The following RICTOR variants were observed in gnomAD, a reference collection of about 807,000 sequenced individuals.
The protein encoded by RICTOR is RPTOR independent companion of MTOR complex 2.
A neutral mutation model predicts 214.9 loss-of-function variants in RICTOR; 49 were observed. The ratio of observed to expected loss-of-function variants is 0.23; its 90% CI spans 0.18 to 0.29. RICTOR has a LOEUF of 0.29. Among genes scored for constraint, RICTOR ranks in the 10% least tolerant of loss-of-function variants. The probability of loss-of-function intolerance (pLI) is 1.00; values close to 1 mark genes in which losing one functional copy is unlikely to be tolerated. For synonymous variants in RICTOR, 717 were observed against 711.3 expected (o/e 1.01, Z -0.13); for missense variants, 1,625 against 2,047.0 (o/e 0.79, Z 3.98).
intron 2 of RICTOR, among the ~76,000 whole-genome samples, chr5:39,058,586 T>A (rs551743677): frequency 6.6e-6 from 1 of 152,148 alleles, no homozygotes. Context: ...TATATATGTA[T>A]GCTCTTTCAA....
intron 31 of RICTOR, chr5:38,949,468 T>C (rs1386793950): frequency 4.0e-6 from 6 of 1,504,974 alleles, no homozygotes; most frequent in African/African-American, 1.4e-5. Flanking sequence ...GCTTGTGACT[T>C]GTATGTCCTT....
At chr5:38,996,020 A>G (rs981571907) in intron 6 of RICTOR, among the ~76,000 whole-genome samples, 2 of 152,222 alleles carry the variant, frequency 1.3e-5, no homozygotes, top group African/African-American at 4.8e-5. Context: ...TAGCTAACAT[A>G]GAAATTGAAC....
At chr5:38,993,457 G>C (rs1038461004) in intron 6 of RICTOR, among the ~76,000 whole-genome samples, 3 of 151,918 alleles carry the variant, frequency 2.0e-5, no homozygotes, top group Admixed American at 6.6e-5. Context: ...TGCATTGGAA[G>C]GGGGAGAGAG....
rs192904270 is a variant in RICTOR, at chr5:38,968,105, T to C, written c.973-75A>G. 1,762 of 832,972 alleles carry C rather than the reference T, an allele frequency of 2.1e-3. 24 individuals carry two copies. The African/African-American group carries it at 0.027, about 13-fold the overall frequency. The allele number at this position is 832,972 out of a possible 1,614,324, so 51.6% of individuals were successfully genotyped here. ...AGATTTTTAAATGTCCTATTCACAT[T>C]TTTTAAAATGATAAAAACAGAACTA... On this transcript the variant is annotated intron_variant, in intron 11 of 37. Coordinates refer to ENST00000357387, the MANE Select transcript of RICTOR (RefSeq NM_152756.5).
At chr5:39,010,488 A>T (rs1754422039) in intron 3 of RICTOR, among the ~76,000 whole-genome samples, 1 of 152,204 alleles carries the variant, frequency 6.6e-6, no homozygotes, top group South Asian at 2.1e-4. Flanking sequence ...GGTAACAGGC[A>T]GAGGCTGGAA....
intron 2 of RICTOR, among the ~76,000 whole-genome samples, chr5:39,052,249 G>A (rs1757908449): frequency 6.6e-6 from 1 of 152,090 alleles, no homozygotes; most frequent in African/African-American, 2.4e-5. Context: ...GGTGGTATGC[G>A]TGTATAGTCC....
chr5:38,964,955 T>C, intron 15 of RICTOR, 63 bp from the exon 16 acceptor site: 1 of 919,882 alleles, frequency 1.1e-6, no homozygotes, highest in Non-Finnish European at 1.8e-6. Flanking sequence ...TGTCACAGAT[T>C]ACCTGCACAT....
chr5:38,953,642 G>GT (rs1205712913), intron 27 of RICTOR, 89 bp from the exon 28 acceptor site: 4 of 422,788 alleles, frequency 9.5e-6, no homozygotes, highest in East Asian at 4.1e-5. Flanking sequence ...TATAACGTTT[G>GT]TTTTTTGTCA....
intron 36 of RICTOR, chr5:38,944,118 T>G (rs1747909490): frequency 2.4e-6 from 1 of 424,656 alleles, no homozygotes; most frequent in Admixed American, 3.1e-5. Flanking sequence ...CCATTACATG[T>G]TAACATGTAT....
intron 2 of RICTOR, among the ~76,000 whole-genome samples, chr5:39,036,533 A>C (rs571340104): frequency 2.2e-4 from 33 of 152,252 alleles, no homozygotes; most frequent in Non-Finnish European, 4.6e-4. Flanking sequence ...AATTGGATAA[A>C]GTATCAAGAC....
intron 2 of RICTOR, among the ~76,000 whole-genome samples, chr5:39,041,940 CAAAAAA>C (rs35609106): frequency 1.5e-4 from 13 of 84,624 alleles, no homozygotes; most frequent in South Asian, 4.0e-4. Context: ...GACCCTGTTT[CAAAAAA>C]AAAAAAAAAA....
intron 37 of RICTOR, among the ~76,000 whole-genome samples, 174 bp from the exon 38 acceptor site, chr5:38,942,552 A>T (rs1747688922): frequency 6.7e-6 from 1 of 148,578 alleles, no homozygotes; most frequent in African/African-American, 2.5e-5. Context: ...CTGGGTTCAT[A>T]TGATCCTCCC....
chr5:39,058,845 T>C (rs1268222847), intron 2 of RICTOR, among the ~76,000 whole-genome samples: 1 of 152,112 alleles, frequency 6.6e-6, no homozygotes, highest in Non-Finnish European at 1.5e-5. Flanking sequence ...TTTTCAACTT[T>C]CTAATCTGTA....
intron 37 of RICTOR, among the ~76,000 whole-genome samples, 171 bp from the exon 38 acceptor site, chr5:38,942,549 C>G (rs1261021696): frequency 1.3e-5 from 2 of 149,108 alleles, no homozygotes; most frequent in Admixed American, 1.3e-4. Flanking sequence ...GTCCTGGGTT[C>G]ATATGATCCT....
chr5:39,015,884 T>C (rs1245165593), intron 3 of RICTOR, among the ~76,000 whole-genome samples: 1 of 152,090 alleles, frequency 6.6e-6, no homozygotes, highest in African/African-American at 2.4e-5. Flanking sequence ...CAAGATTACC[T>C]CTGAGTAAAG....
In RICTOR at chr5:38,940,245, G is replaced by T; in HGVS notation, c.*2059C>A. ...AGGGATAGTGATGGTGGGGGAGGGG[G>T]TGTGTGTGTGTGTAAGACAAAAAAA... On this transcript the variant is annotated 3_prime_UTR_variant, in exon 38 of 38. Transcript: ENST00000357387. The T allele has an allele frequency of 4.6e-6, 1 of 215,440 alleles. No individual in the cohort carries two copies. The highest frequency in any genetic ancestry group is 9.3e-6 in the Non-Finnish European group (1 of 107,190). The allele number at this position is 215,440 out of a possible 1,614,324, so 13.3% of individuals were successfully genotyped here. A position where few individuals can be genotyped will look rare whatever the true frequency, so the allele number is the denominator to read the frequency against.
Position 38,996,892 on chromosome 5 carries a change from A to G in RICTOR, c.393-10T>C, listed in dbSNP as rs757141173. On this transcript the variant is annotated splice_polypyrimidine_tract_variant and intron_variant, in intron 5 of 37. Transcript: ENST00000357387. ...TTGTATGTCAATGCACCTAAACAATACACAAAATATTAATCATTGATAAAA... is the reference window on the plus strand; with the variant it reads ...TTGTATGTCAATGCACCTAAACAATGCACAAAATATTAATCATTGATAAAA... 3.8e-6 allele frequency: 6 copies of G among 1,588,296 alleles called. No individual in the cohort carries two copies.
chr5:38,991,595 T>C (rs1035204021), intron 6 of RICTOR, among the ~76,000 whole-genome samples: 1 of 152,082 alleles, frequency 6.6e-6, no homozygotes, highest in African/African-American at 2.4e-5. Flanking sequence ...AGATATCTAA[T>C]GATCTCCTTA....
At position 39,058,638 on chromosome 5, in the gene RICTOR, T is replaced by A. The variant is rs751719385; in HGVS notation, c.97+15473A>T. Among the ~76,000 whole-genome samples, 2 of 152,234 alleles carry A rather than the reference T, an allele frequency of 1.3e-5. 1 individual carries two copies. The highest frequency in any genetic ancestry group is 4.1e-4 in the South Asian group (2 of 4,828). On this transcript the variant is annotated intron_variant, in intron 2 of 37. Coordinates refer to ENST00000357387, the MANE Select transcript of RICTOR (RefSeq NM_152756.5). ...TTTGTATTCTAACAACTTTTCAACT[T>A]TGATGCACAATTACAACTGCATGTT... is the stretch of plus-strand genomic sequence containing the variant.
Sources: allele counts gnomAD v4.1 joint callset (sites outside exome capture counted in the v4.1 genomes callset), GRCh38; gene constraint gnomAD v4.1.1; transcripts MANE v1.5; gene names NCBI Gene and HGNC (gene_info 2026-07-23, HGNC 2026-07-21).